The following TRHDE variants were observed in gnomAD, a reference collection of about 807,000 sequenced individuals.
TRHDE encodes thyrotropin releasing hormone degrading enzyme, also known as thyrotropin-releasing hormone-degrading ectoenzyme.
A neutral mutation model predicts 125.7 loss-of-function variants in TRHDE; 72 were observed. That is an observed-to-expected ratio of 0.57 (90% CI 0.47 to 0.70). The LOEUF (loss-of-function observed/expected upper bound fraction) is 0.70. Ranked by LOEUF, TRHDE falls within the 30% of genes least tolerant of loss-of-function variation. The pLI is 0.00. For synonymous variants in TRHDE, 509 were observed against 509.1 expected (o/e 1.00, Z 0.00); for missense variants, 1,110 against 1,327.1 (o/e 0.84, Z 2.54).
intron 3 of TRHDE, among the ~76,000 whole-genome samples, chr12:72,411,202 CA>C (rs561779856): frequency 0.049 from 2,911 of 59,644 alleles, 39 homozygotes; most frequent in African/African-American, 0.11. Flanking sequence ...GACTCCATTT[CA>C]AAAAAAAAAA....
chr12:72,520,032 T>C (rs962052222), intron 6 of TRHDE, among the ~76,000 whole-genome samples: 7 of 152,212 alleles, frequency 4.6e-5, no homozygotes, highest in African/African-American at 1.7e-4. Context: ...GGAGAACCAC[T>C]GCTCTCTTCA....
chr12:72,462,649 G>A (rs994390278), intron 3 of TRHDE, among the ~76,000 whole-genome samples: 4 of 152,154 alleles, frequency 2.6e-5, no homozygotes, highest in Admixed American at 6.6e-5. Flanking sequence ...AAACTGCCCT[G>A]TCTTGGATTG....
At chr12:72,531,302 A>G (rs772355988) in intron 6 of TRHDE, among the ~76,000 whole-genome samples, 3 of 151,900 alleles carry the variant, frequency 2.0e-5, no homozygotes, top group South Asian at 2.1e-4. Context: ...CCATTTTCCA[A>G]TGGGGTCTTT....
chr12:72,596,416 C>T (rs986319081), intron 12 of TRHDE, among the ~76,000 whole-genome samples: 2 of 152,086 alleles, frequency 1.3e-5, no homozygotes, highest in African/African-American at 2.4e-5. Context: ...CTGTTTTGCA[C>T]TAGATATATA....
At chr12:72,625,521 A>G (rs1873223581) in intron 15 of TRHDE, among the ~76,000 whole-genome samples, 1 of 151,882 alleles carries the variant, frequency 6.6e-6, no homozygotes, top group Non-Finnish European at 1.5e-5. Context: ...CTACTTTGCA[A>G]CATACATAAT....
At chr12:72,633,068 T>A (rs1186027427) in intron 15 of TRHDE, among the ~76,000 whole-genome samples, 1 of 152,056 alleles carries the variant, frequency 6.6e-6, no homozygotes, top group Non-Finnish European at 1.5e-5. Flanking sequence ...AATAGCAATT[T>A]TATATATGGA....
intron 3 of TRHDE, among the ~76,000 whole-genome samples, chr12:72,413,202 A>G (rs1424937356): frequency 6.6e-6 from 1 of 152,040 alleles, no homozygotes; most frequent in East Asian, 1.9e-4. Context: ...AGGCAATTCT[A>G]TGGCATAATT....
At chr12:72,394,945 T>G (rs1407783495) in intron 3 of TRHDE, among the ~76,000 whole-genome samples, 1 of 152,242 alleles carries the variant, frequency 6.6e-6, no homozygotes, top group Non-Finnish European at 1.5e-5. Flanking sequence ...ATTTTACATA[T>G]GTATTGCTTA....
At chr12:72,471,621 A>G (rs1437398533) in intron 4 of TRHDE, among the ~76,000 whole-genome samples, 1 of 152,196 alleles carries the variant, frequency 6.6e-6, no homozygotes, top group Non-Finnish European at 1.5e-5. Flanking sequence ...TTTCCTGCCC[A>G]CCTATTTGTT....
At chr12:72,500,733 T>C (rs1334119263) in intron 6 of TRHDE, among the ~76,000 whole-genome samples, 1 of 151,988 alleles carries the variant, frequency 6.6e-6, no homozygotes, top group East Asian at 1.9e-4. Flanking sequence ...TAAAAAGATA[T>C]CATGAATAAC....
intron 2 of TRHDE, among the ~76,000 whole-genome samples, chr12:72,215,223 G>C (rs987496093): frequency 3.3e-5 from 5 of 151,964 alleles, no homozygotes; most frequent in Non-Finnish European, 1.5e-5. Context: ...GGTGCTCAGT[G>C]GGGGAGCTTT....
chr12:72,229,236 G>A (rs1282492819), intron 2 of TRHDE, among the ~76,000 whole-genome samples: 1 of 152,182 alleles, frequency 6.6e-6, no homozygotes, highest in Non-Finnish European at 1.5e-5. Flanking sequence ...TTTCATACGG[G>A]TGGGGAGGCC....
intron 12 of TRHDE, among the ~76,000 whole-genome samples, chr12:72,601,956 G>A (rs1238986391): frequency 6.6e-6 from 1 of 152,094 alleles, no homozygotes; most frequent in Non-Finnish European, 1.5e-5. Context: ...AGGTAATTGG[G>A]TACATGAAGT....
At position 72,665,383 on chromosome 12, in the gene TRHDE, C is replaced by T. The variant is rs1213295648; in HGVS notation, c.*2188C>T. On this transcript the variant is annotated 3_prime_UTR_variant, in exon 19 of 19. Transcript: ENST00000261180. ...AACTGGTTTATCTACAATCTCAAAT[C>T]CTAAGTGTATAATTATGTGCAATGT... 1 of 152,396 alleles carries T rather than the reference C, an allele frequency of 6.6e-6. No homozygotes were observed. Among genetic ancestry groups the T allele is most frequent in the East Asian group, 1.9e-4 (1 of 5,168 alleles). 9.4% of individuals were successfully genotyped at this position (152,396 alleles called of 1,614,324 possible).
At chr12:72,630,286 C>A (rs1873438293) in intron 15 of TRHDE, among the ~76,000 whole-genome samples, 1 of 151,608 alleles carries the variant, frequency 6.6e-6, no homozygotes. Context: ...AGCGAAATCT[C>A]TAAATCTGGT....
intron 2 of TRHDE, among the ~76,000 whole-genome samples, chr12:72,134,052 A>G (rs1290048418): frequency 1.3e-5 from 2 of 152,238 alleles, no homozygotes; most frequent in African/African-American, 4.8e-5. Context: ...TTTCTTAGGA[A>G]TAAACATTAA....
chr12:72,230,719 G>A (rs1010587074), intron 2 of TRHDE, among the ~76,000 whole-genome samples: 1 of 152,024 alleles, frequency 6.6e-6, no homozygotes, highest in Non-Finnish European at 1.5e-5. Context: ...AAGACCCATC[G>A]ACCTTATCAG....
intron 3 of TRHDE, among the ~76,000 whole-genome samples, chr12:72,453,344 T>A (rs1875675928): frequency 6.6e-6 from 1 of 152,184 alleles, no homozygotes; most frequent in African/African-American, 2.4e-5. Context: ...TGAGAGTGAT[T>A]ACCTAGGGTA....
intron 2 of TRHDE, among the ~76,000 whole-genome samples, chr12:72,192,632 T>A (rs1877363228): frequency 6.6e-6 from 1 of 152,134 alleles, no homozygotes; most frequent in Admixed American, 6.5e-5. Context: ...GACCTGGATT[T>A]GAAGCCTGGA....
Sources: allele counts gnomAD v4.1 joint callset (sites outside exome capture counted in the v4.1 genomes callset), GRCh38; gene constraint gnomAD v4.1.1; transcripts MANE v1.5; gene names NCBI Gene and HGNC (gene_info 2026-07-23, HGNC 2026-07-21).